HELLS: variants seen among roughly 807,000 people sequenced by gnomAD.
The protein encoded by HELLS is lymphoid-specific helicase.
A neutral mutation model predicts 120.0 loss-of-function variants in HELLS; 32 were observed. That is an observed-to-expected ratio of 0.27 (90% CI 0.20 to 0.36). HELLS has a LOEUF of 0.36. Among genes scored for constraint, HELLS ranks in the 10% least tolerant of loss-of-function variants. HELLS has a pLI of 1.00. For synonymous variants in HELLS, 341 were observed against 323.4 expected (o/e 1.05, Z -0.58); for missense variants, 650 against 993.4 (o/e 0.65, Z 4.65).
downstream of HELLS, among the ~76,000 whole-genome samples, chr10:94,602,970 G>A (rs572553366): frequency 2.0e-5 from 3 of 152,180 alleles, no homozygotes; most frequent in Admixed American, 1.3e-4. Context: ...GTCATTGCAC[G>A]TCTCATATCT....
intron 13 of HELLS, among the ~76,000 whole-genome samples, chr10:94,589,831 C>T (rs905268981): frequency 5.3e-5 from 8 of 151,710 alleles, no homozygotes; most frequent in African/African-American, 1.5e-4. Flanking sequence ...GGACTACAGT[C>T]GCCCGCCACC....
chr10:94,580,162 T>TACAC (rs34963898), intron 10 of HELLS, among the ~76,000 whole-genome samples: 31 of 47,594 alleles, frequency 6.5e-4, no homozygotes, highest in South Asian at 1.3e-3. Flanking sequence ...TATATATATA[T>TACAC]ACACACACAC....
At chr10:94,588,432 A>T (rs763855010) in intron 13 of HELLS, 42 bp downstream of exon 13, 1 of 1,425,330 alleles carries the variant, frequency 7.0e-7, no homozygotes, top group East Asian at 2.5e-5. Flanking sequence ...AACTTGACAT[A>T]TAAAATTTCT....
Position 94,601,695 on chromosome 10 carries a change from C to CGGCGACCACCG in HELLS, c.*73_*74insGGCGACCACCG. ...ATTTCCCTGTATTGGGTTTGAAATA[C>CGGCGACCACCG]TGATTGTCCACTTCACCTTTTTTAT... On this transcript the variant is annotated 3_prime_UTR_variant, in exon 22 of 22. Coordinates refer to ENST00000348459, the MANE Select transcript of HELLS (RefSeq NM_018063.5). 2 of 746,944 alleles carry CGGCGACCACCG rather than the reference C, an allele frequency of 2.7e-6. No homozygotes were observed. The highest frequency in any genetic ancestry group is 2.2e-6 in the Non-Finnish European group (1 of 444,804). 46.3% of individuals were successfully genotyped at this position (746,944 alleles called of 1,614,324 possible).
chr10:94,574,637 A>G lies in HELLS; in HGVS notation c.789A>G (p.Ala263=), dbSNP rs764947365. The G allele has an allele frequency of 8.7e-6, 14 of 1,613,434 alleles. No homozygotes were observed. The highest frequency in any genetic ancestry group is 1.3e-5 in the African/African-American group (1 of 74,924). The change falls in exon 9 of 22, where the codon GCA becomes GCG. Residue 263 remains alanine, a synonymous_variant. Transcript: ENST00000348459. ...GKTVQCIATI[A]LMIQRGVPGP... ...CAGTTCAGTGCATTGCTACTATTGC[A>G]TTGATGATTCAGAGAGGAGTACCAG...
chr10:94,586,113 TTTTA>T (rs906966028), intron 12 of HELLS, among the ~76,000 whole-genome samples: 16 of 149,514 alleles, frequency 1.1e-4, no homozygotes, highest in Non-Finnish European at 2.1e-4. Context: ...TTTTTTTTAA[TTTTA>T]TTTATTTATT....
At chr10:94,556,519 G>A (rs914524705) in intron 3 of HELLS, among the ~76,000 whole-genome samples, 3 of 152,038 alleles carry the variant, frequency 2.0e-5, no homozygotes, top group Non-Finnish European at 4.4e-5. Context: ...TTGATATATG[G>A]ATATACTTGT....
chr10:94,606,064 T>C (rs1846125417), downstream of HELLS, among the ~76,000 whole-genome samples: 1 of 151,488 alleles, frequency 6.6e-6, no homozygotes. Flanking sequence ...ATGGGTCTTT[T>C]TTTTTTTTCT....
intron 10 of HELLS, among the ~76,000 whole-genome samples, chr10:94,580,117 G>GTATATATATA (rs58984411): frequency 4.1e-4 from 27 of 65,494 alleles, no homozygotes; most frequent in Non-Finnish European, 6.6e-4. Flanking sequence ...CATTATAAAA[G>GTATATATATA]TATATATATA....
At chr10:94,568,010 A>T (rs1245537732) in intron 6 of HELLS, among the ~76,000 whole-genome samples, 4 of 150,472 alleles carry the variant, frequency 2.7e-5, no homozygotes, top group Non-Finnish European at 5.9e-5. Context: ...CCCGGGTTCA[A>T]GTGATTCTCC....
rs542019960 is a variant in HELLS at position 94,577,396 on chromosome 10, A to G, written c.1032+591A>G. 7.3e-5 allele frequency: 16 copies of G among 219,732 alleles called. 1 individual carries two copies. The South Asian group carries it at 9.8e-4, about 13-fold the overall frequency. 13.6% of individuals were successfully genotyped at this position (219,732 alleles called of 1,614,324 possible). A position where few individuals can be genotyped will look rare whatever the true frequency, so the allele number is the denominator to read the frequency against. On this transcript the variant is annotated intron_variant, in intron 10 of 21. Transcript: ENST00000348459. ...TTTTTCCTTTCTCTGGCCATGTGAG[A>G]ACCCTCTTAGTGCAGTCCCCTTAGG...
In HELLS at chr10:94,584,055, C is replaced by T. The variant is rs1384239845; in HGVS notation, c.1326+996C>T. On this transcript the variant is annotated intron_variant, in intron 12 of 21. Coordinates refer to ENST00000348459, the MANE Select transcript of HELLS (RefSeq NM_018063.5). ...GGCTTCTTTGAAGGCAAATTGCCCTCCAGAAAAGATTTATATGATATACGT... is the reference window on the plus strand; with the variant it reads ...GGCTTCTTTGAAGGCAAATTGCCCTTCAGAAAAGATTTATATGATATACGT... 5 of 1,286,752 alleles carry T rather than the reference C, an allele frequency of 3.9e-6. No homozygotes were observed. The Admixed American group carries it at 1.1e-4, about 28-fold the overall frequency. 79.7% of individuals were successfully genotyped at this position (1,286,752 alleles called of 1,614,324 possible). A position where few individuals can be genotyped will look rare whatever the true frequency, so the allele number is the denominator to read the frequency against.
At chr10:94,552,048 C>G (rs566572475) in intron 2 of HELLS, among the ~76,000 whole-genome samples, 2 of 152,240 alleles carry the variant, frequency 1.3e-5, no homozygotes, top group South Asian at 4.1e-4. Flanking sequence ...CTCATATCCC[C>G]CATTTCAAAC....
intron 3 of HELLS, among the ~76,000 whole-genome samples, chr10:94,555,723 G>A (rs1350535704): frequency 2.0e-5 from 3 of 152,110 alleles, no homozygotes; most frequent in Non-Finnish European, 2.9e-5. Flanking sequence ...CTGACTCCTG[G>A]GTTCAAGCAG....
At chr10:94,552,595 T>G (rs1343478444) in intron 2 of HELLS, among the ~76,000 whole-genome samples, 2 of 152,264 alleles carry the variant, frequency 1.3e-5, no homozygotes, top group African/African-American at 4.8e-5. Context: ...AAATCAGACT[T>G]TCTGTCTTCT....
At chr10:94,554,960 G>A (rs1843178095) in intron 3 of HELLS, among the ~76,000 whole-genome samples, 1 of 151,988 alleles carries the variant, frequency 6.6e-6, no homozygotes. Flanking sequence ...ACCAGGCTGG[G>A]TAATATGGCA....
chr10:94,581,137 A>G (rs1326422716), intron 10 of HELLS, among the ~76,000 whole-genome samples, 189 bp from the exon 11 acceptor site: 2 of 152,182 alleles, frequency 1.3e-5, no homozygotes, highest in Non-Finnish European at 2.9e-5. Context: ...AGGAACAGAA[A>G]TATCTATCAG....
intron 9 of HELLS, 111 bp from the exon 10 acceptor site, chr10:94,576,551 T>A: frequency 1.8e-6 from 1 of 563,890 alleles, no homozygotes; most frequent in East Asian, 3.1e-5. Context: ...AAAATAGAAA[T>A]AAAATTTTTT....
At chr10:94,584,822 TC>T (rs1845042253) in intron 12 of HELLS, among the ~76,000 whole-genome samples, 1 of 152,120 alleles carries the variant, frequency 6.6e-6, no homozygotes. Flanking sequence ...TTTTATTATA[TC>T]CAAATTCAAC....
Sources: gnomAD v4.1 joint callset for allele counts (sites outside exome capture counted in the v4.1 genomes callset) on GRCh38, gnomAD v4.1.1 for gene constraint, MANE v1.5 for transcripts, NCBI Gene and HGNC (gene_info 2026-07-23, HGNC 2026-07-21) for gene names.